Variants in GLIS3 observed in about 807,000 individuals in gnomAD.
The protein encoded by GLIS3 is zinc finger protein GLIS3.
GLIS3 carries 53 observed loss-of-function variants against 78.6 expected under a neutral mutation model. That is an observed-to-expected ratio of 0.67 (90% CI 0.54 to 0.85). The LOEUF (loss-of-function observed/expected upper bound fraction) is 0.85, where lower values mean the gene tolerates loss of function less well. Ranked by LOEUF, GLIS3 falls within the 40% of genes least tolerant of loss-of-function variation. The pLI is 0.00. For missense variants in GLIS3, 1,703 were observed against 1,231.1 expected, an observed-to-expected ratio of 1.38 and a Z score of -5.74; for synonymous variants, 684 against 509.9, an observed-to-expected ratio of 1.34 and a Z score of -4.60.
chr9:4,300,818 G>A (rs1389581700), upstream of GLIS3, among the ~76,000 whole-genome samples: 1 of 151,874 alleles, frequency 6.6e-6, no homozygotes, highest in Non-Finnish European at 1.5e-5. Flanking sequence ...TGCCACAGAT[G>A]CAAGGACTTC....
At chr9:4,247,731 G>A (rs184483997) in intron 2 of GLIS3, among the ~76,000 whole-genome samples, 1 of 152,118 alleles carries the variant, frequency 6.6e-6, no homozygotes, top group Non-Finnish European at 1.5e-5. Context: ...AGTATACTGA[G>A]AAAATCCCAA....
At chr9:4,239,467 A>C (rs1823093514) in intron 2 of GLIS3, among the ~76,000 whole-genome samples, 1 of 152,012 alleles carries the variant, frequency 6.6e-6, no homozygotes, top group African/African-American at 2.4e-5. Flanking sequence ...GGTTGGGGCT[A>C]TTCCTAGAGA....
chr9:3,856,821 A>C (rs975780814), intron 8 of GLIS3, among the ~76,000 whole-genome samples: 1 of 152,172 alleles, frequency 6.6e-6, no homozygotes, highest in Non-Finnish European at 1.5e-5. Context: ...TATGATAGGA[A>C]GATGATGTAG....
At chr9:4,204,779 T>C (rs1819713158) in intron 2 of GLIS3, among the ~76,000 whole-genome samples, 1 of 152,016 alleles carries the variant, frequency 6.6e-6, no homozygotes, top group South Asian at 2.1e-4. Context: ...CCGGGCGTGG[T>C]GGCAGGCACC....
chr9:4,474,606 A>G, the GLIS3 span, among the ~76,000 whole-genome samples: 1 of 152,230 alleles, frequency 6.6e-6, no homozygotes, highest in African/African-American at 2.4e-5. Context: ...CTTCTAGAAC[A>G]AAACATATAA....
At chr9:3,919,123 A>ATT (rs1326591976) in intron 6 of GLIS3, among the ~76,000 whole-genome samples, 1 of 152,138 alleles carries the variant, frequency 6.6e-6, no homozygotes, top group Non-Finnish European at 1.5e-5. Context: ...AGCTTACACA[A>ATT]TTTTCAATTA....
chr9:3,901,928 C>G (rs1347327735), intron 6 of GLIS3, among the ~76,000 whole-genome samples: 1 of 152,176 alleles, frequency 6.6e-6, no homozygotes, highest in East Asian at 1.9e-4. Flanking sequence ...AATTTATCTT[C>G]TATCATTAAA....
the GLIS3 span, chr9:4,386,471 C>G: frequency 6.6e-6 from 1 of 152,224 alleles, no homozygotes; most frequent in Middle Eastern, 3.4e-3. Context: ...TGTTAATCTT[C>G]TCTGTATCAT....
chr9:3,892,672 G>A (rs1447287326), intron 7 of GLIS3, among the ~76,000 whole-genome samples: 1 of 149,852 alleles, frequency 6.7e-6, no homozygotes. Flanking sequence ...AATAGGAACA[G>A]TTTTTTTTTT....
At chr9:4,365,687 ACTGGATGACTACTTGCTTGCAGTG>A in the GLIS3 span, among the ~76,000 whole-genome samples, 1 of 152,246 alleles carries the variant, frequency 6.6e-6, no homozygotes, top group Admixed American at 6.5e-5. Context: ...CATCTGAAAA[ACTGGATGACTACTTGCTTGCAGTG>A]CTGCAAAGCT....
intron 2 of GLIS3, among the ~76,000 whole-genome samples, chr9:4,265,700 C>T (rs559243901): frequency 1.3e-4 from 20 of 152,286 alleles, no homozygotes; most frequent in South Asian, 8.3e-4. Flanking sequence ...GAAGCATGCA[C>T]ACAGAGACCA....
intron 2 of GLIS3, among the ~76,000 whole-genome samples, chr9:4,193,514 A>C (rs1818518055): frequency 6.6e-6 from 1 of 152,218 alleles, no homozygotes; most frequent in Non-Finnish European, 1.5e-5. Context: ...GGCTTCTGTA[A>C]CTCAATAGAC....
At chr9:4,386,322 T>G in the GLIS3 span, 1 of 152,242 alleles carries the variant, frequency 6.6e-6, no homozygotes, top group East Asian at 1.9e-4. Context: ...CCAAATCTTT[T>G]GTGTGTAGCC....
intron 4 of GLIS3, among the ~76,000 whole-genome samples, chr9:4,021,513 T>A (rs1003852513): frequency 6.6e-6 from 1 of 152,174 alleles, no homozygotes; most frequent in Non-Finnish European, 1.5e-5. Flanking sequence ...CTGCTTGATA[T>A]GTGGTAACTT....
chr9:3,854,553 T>C (rs1404650666), intron 9 of GLIS3, among the ~76,000 whole-genome samples: 2 of 151,478 alleles, frequency 1.3e-5, no homozygotes, highest in Non-Finnish European at 2.9e-5. Flanking sequence ...CTTTTTTTTT[T>C]TGAGACAGAG....
At chr9:4,481,998 A>G in the GLIS3 span, among the ~76,000 whole-genome samples, 3 of 152,224 alleles carry the variant, frequency 2.0e-5, no homozygotes. Flanking sequence ...GCTGGTAAAT[A>G]TTGGTTTAAA....
intron 2 of GLIS3, among the ~76,000 whole-genome samples, chr9:4,176,647 C>G (rs11787721): frequency 0.14 from 21,495 of 152,006 alleles, 1,632 homozygotes; most frequent in African/African-American, 0.21. Context: ...TCTTGAGACA[C>G]AGTTTTGCTC....
chr9:4,412,382 G>C, the GLIS3 span, among the ~76,000 whole-genome samples: 1 of 152,146 alleles, frequency 6.6e-6, no homozygotes, highest in African/African-American at 2.4e-5. Flanking sequence ...GACAATTCTT[G>C]GGACTAAAAG....
At chr9:3,876,693 G>GGAAGGGAGGGAGGGA (rs1554636774) in intron 8 of GLIS3, among the ~76,000 whole-genome samples, 15 of 464 alleles carry the variant, frequency 0.032, 7 homozygotes, top group South Asian at 1. Flanking sequence ...AAGGGAGGGA[G>GGAAGGGAGGGAGGGA]GGGAGGGAGG....
Sources: gnomAD v4.1 joint callset for allele counts (sites outside exome capture counted in the v4.1 genomes callset) on GRCh38, gnomAD v4.1.1 for gene constraint, MANE v1.5 for transcripts, NCBI Gene and HGNC (gene_info 2026-07-23, HGNC 2026-07-21) for gene names.